The following KLF12 variants were observed in gnomAD, a reference collection of about 807,000 sequenced individuals.
The protein encoded by KLF12 is Krueppel-like factor 12.
Under a neutral mutation model 37.8 loss-of-function variants are expected in KLF12, and 9 were observed. The observed-to-expected ratio is 0.24, with a 90% CI of 0.14 to 0.42. The LOEUF (loss-of-function observed/expected upper bound fraction) is 0.42. KLF12 is among the 10% of genes least tolerant of loss of function. The pLI is 1.00. For missense variants in KLF12, 411 were observed against 516.0 expected (o/e 0.80, Z 1.97); for synonymous variants, 208 against 202.1 (o/e 1.03, Z -0.25).
chr13:73,745,738 T>C (rs1807606413), intron 6 of KLF12, among the ~76,000 whole-genome samples: 2 of 152,176 alleles, frequency 1.3e-5, no homozygotes, highest in South Asian at 4.1e-4. Context: ...CTATGCATTA[T>C]TTCAGATAAC....
At chr13:74,072,407 A>ATATATATATATATATATATAT (rs1874323262) in intron 1 of KLF12, among the ~76,000 whole-genome samples, 1 of 132,924 alleles carries the variant, frequency 7.5e-6, no homozygotes, top group Non-Finnish European at 1.6e-5. Context: ...ATATATATAT[A>ATATATATATATATATATATAT]AAAGATTATC....
At chr13:74,183,430 C>T in the KLF12 span, among the ~76,000 whole-genome samples, 2 of 152,114 alleles carry the variant, frequency 1.3e-5, no homozygotes, top group African/African-American at 4.8e-5. Flanking sequence ...CCAAATGCTA[C>T]CATCTTCATC....
At chr13:73,702,930 C>T (rs1874665623) in intron 7 of KLF12, among the ~76,000 whole-genome samples, 1 of 152,120 alleles carries the variant, frequency 6.6e-6, no homozygotes, top group Admixed American at 6.5e-5. Context: ...GCTGAGATTA[C>T]AAGGCCCCTG....
chr13:73,813,041 T>A, intron 5 of KLF12, 111 bp downstream of exon 5: 1 of 1,127,088 alleles, frequency 8.9e-7, no homozygotes. Flanking sequence ...CTGACATTCG[T>A]GCCAGTTCAC....
At chr13:73,825,848 C>G (rs781725248) in intron 4 of KLF12, among the ~76,000 whole-genome samples, 10 of 152,164 alleles carry the variant, frequency 6.6e-5, no homozygotes, top group Non-Finnish European at 1.3e-4. Context: ...TAGCTGAGAT[C>G]TGAGATCCAG....
intron 1 of KLF12, among the ~76,000 whole-genome samples, chr13:74,080,756 T>C (rs1331794485): frequency 2.0e-5 from 3 of 152,220 alleles, no homozygotes; most frequent in Non-Finnish European, 2.9e-5. Flanking sequence ...CATTTTGTGT[T>C]TAAGACTGTT....
At chr13:73,869,605 G>A (rs1177649285) in intron 3 of KLF12, among the ~76,000 whole-genome samples, 1 of 151,794 alleles carries the variant, frequency 6.6e-6, no homozygotes, top group East Asian at 1.9e-4. Flanking sequence ...CAAGTACATA[G>A]ATAAATTATA....
chr13:73,865,058 C>T (rs1254461267), intron 3 of KLF12, among the ~76,000 whole-genome samples: 1 of 151,942 alleles, frequency 6.6e-6, no homozygotes. Flanking sequence ...AGGCCCCTTC[C>T]ACTAAACAAA....
the KLF12 span, among the ~76,000 whole-genome samples, chr13:74,222,850 T>G: frequency 2.0e-5 from 3 of 152,200 alleles, no homozygotes; most frequent in African/African-American, 7.2e-5. Flanking sequence ...TTCCTTAAAA[T>G]AGTTTCAGAA....
intron 3 of KLF12, among the ~76,000 whole-genome samples, chr13:73,930,827 C>A (rs1249081909): frequency 7.1e-6 from 1 of 141,726 alleles, no homozygotes; most frequent in Non-Finnish European, 1.5e-5. Flanking sequence ...AATGTTAAAT[C>A]TTTTTTCAAC....
chr13:73,956,252 T>C (rs1890826545), intron 2 of KLF12, among the ~76,000 whole-genome samples: 1 of 152,232 alleles, frequency 6.6e-6, no homozygotes, highest in African/African-American at 2.4e-5. Context: ...TAACTTATCA[T>C]ACCCAGGAAG....
intron 5 of KLF12, among the ~76,000 whole-genome samples, chr13:73,798,448 C>T (rs966729017): frequency 1.1e-4 from 17 of 152,040 alleles, no homozygotes; most frequent in African/African-American, 4.1e-4. Flanking sequence ...AGAGCTTCTG[C>T]ACAGCAAAAG....
chr13:74,025,346 A>G (rs2138447736), intron 1 of KLF12, among the ~76,000 whole-genome samples: 1 of 152,290 alleles, frequency 6.6e-6, no homozygotes, highest in South Asian at 2.1e-4. Flanking sequence ...AAGGTGGCAA[A>G]AGGAAGTGCC....
At chr13:74,006,515 C>T (rs1378938158) in intron 1 of KLF12, among the ~76,000 whole-genome samples, 1 of 152,174 alleles carries the variant, frequency 6.6e-6, no homozygotes, top group East Asian at 1.9e-4. Flanking sequence ...AATCAAAATA[C>T]ATTTATCATC....
At chr13:73,877,411 T>C (rs1025876598) in intron 3 of KLF12, among the ~76,000 whole-genome samples, 11 of 152,240 alleles carry the variant, frequency 7.2e-5, no homozygotes, top group Non-Finnish European at 8.8e-5. Context: ...TGGAATCTTT[T>C]AGCTGAATGC....
the KLF12 span, among the ~76,000 whole-genome samples, chr13:74,170,925 C>A: frequency 1.3e-5 from 2 of 152,032 alleles, no homozygotes; most frequent in East Asian, 1.9e-4. Context: ...CCACCATGCC[C>A]GGCAAATTTT....
chr13:73,948,377 A>G (rs1244376463), intron 2 of KLF12, among the ~76,000 whole-genome samples: 1 of 152,128 alleles, frequency 6.6e-6, no homozygotes, highest in Non-Finnish European at 1.5e-5. Flanking sequence ...ATGCGCCACC[A>G]CGCCTAATTT....
chr13:74,026,442 T>C (rs1233776969), intron 1 of KLF12, among the ~76,000 whole-genome samples: 2 of 152,178 alleles, frequency 1.3e-5, no homozygotes, highest in Non-Finnish European at 2.9e-5. Context: ...AATTTTAAGT[T>C]GTATTTCACA....
chr13:74,177,336 A>G, the KLF12 span, among the ~76,000 whole-genome samples: 4 of 152,158 alleles, frequency 2.6e-5, no homozygotes, highest in Non-Finnish European at 5.9e-5. Flanking sequence ...AGTGTATGGT[A>G]TGTTTGGAGA....
Sources: allele counts gnomAD v4.1 joint callset (sites outside exome capture counted in the v4.1 genomes callset), GRCh38; gene constraint gnomAD v4.1.1; transcripts MANE v1.5; gene names NCBI Gene and HGNC (gene_info 2026-07-23, HGNC 2026-07-21).